Variants in WASF1 observed in about 807,000 individuals in gnomAD.
The protein encoded by WASF1 is actin-binding protein WASF1.
Under a neutral mutation model 50.5 loss-of-function variants are expected in WASF1, and 7 were observed. The observed-to-expected ratio is 0.14, with a 90% confidence interval of 0.08 to 0.26. The LOEUF is 0.26. WASF1 is among the 10% of genes least tolerant of loss of function. The pLI, the probability that WASF1 is intolerant of heterozygous loss-of-function variation, is 1.00. For synonymous variants in WASF1, 205 were observed against 244.0 expected (o/e 0.84, Z 1.49); for missense variants, 470 against 694.7 (o/e 0.68, Z 3.64).
chr6:110,166,429 T>G (rs958735168), intron 2 of WASF1, among the ~76,000 whole-genome samples: 22 of 151,860 alleles, frequency 1.4e-4, no homozygotes, highest in African/African-American at 5.1e-4. Flanking sequence ...AACAGTTAGC[T>G]TACTCATTTT....
intron 3 of WASF1, among the ~76,000 whole-genome samples, chr6:110,151,905 T>C (rs1402650151): frequency 2.0e-5 from 3 of 152,156 alleles, no homozygotes; most frequent in Non-Finnish European, 2.9e-5. Flanking sequence ...GTCACAACCA[T>C]CCCATTATAT....
chr6:110,113,432 T>C lies in WASF1; in HGVS notation c.162A>G (p.Glu54=). ...LSKYAEDIFG[E]LFNEAHSFSF... The stretch of plus-strand genomic sequence containing the variant: ...AAAAACTATGTGCTTCATTGAATAA[T>C]TCTCCAAATATATCTTCAGCATATT... The change falls in exon 5 of 11, where the codon GAA becomes GAG. Residue 54 remains glutamate (E), a synonymous_variant. Transcript: ENST00000392589. 1 of 1,601,832 alleles carries C rather than the reference T, an allele frequency of 6.2e-7. No individual in the cohort carries two copies. The highest frequency in any genetic ancestry group is 1.1e-5 in the South Asian group (1 of 88,554).
At chr6:110,100,930 C>T (rs1773055126) in intron 10 of WASF1, among the ~76,000 whole-genome samples, 1 of 152,126 alleles carries the variant, frequency 6.6e-6, no homozygotes, top group Admixed American at 6.5e-5. Flanking sequence ...GTCTACTATA[C>T]CTCCCTGCTC....
intron 2 of WASF1, among the ~76,000 whole-genome samples, chr6:110,163,904 AC>A (rs1776364936): frequency 2.0e-5 from 3 of 151,600 alleles, no homozygotes; most frequent in African/African-American, 7.3e-5. Flanking sequence ...CCAGAAACAG[AC>A]CCGTGCAAAT....
chr6:110,130,365 C>T (rs921950757), intron 3 of WASF1, among the ~76,000 whole-genome samples: 1 of 152,152 alleles, frequency 6.6e-6, no homozygotes, highest in African/African-American at 2.4e-5. Context: ...GATAGGTAAC[C>T]TTTATTCTTT....
intron 4 of WASF1, among the ~76,000 whole-genome samples, chr6:110,125,395 G>A (rs1036900521): frequency 2.0e-5 from 3 of 152,166 alleles, no homozygotes; most frequent in East Asian, 1.9e-4. Flanking sequence ...CCTTTTGGTT[G>A]GGTTCAGTGA....
At chr6:110,146,485 T>A (rs1485818228) in intron 3 of WASF1, among the ~76,000 whole-genome samples, 1 of 151,810 alleles carries the variant, frequency 6.6e-6, no homozygotes, top group Non-Finnish European at 1.5e-5. Context: ...TATAAAAATT[T>A]AAAATAAGAA....
At chr6:110,107,219 A>G in intron 6 of WASF1, 25 bp from the exon 7 acceptor site, 1 of 1,447,770 alleles carries the variant, frequency 6.9e-7, no homozygotes, top group African/African-American at 1.4e-5. Context: ...ATCAATTAAA[A>G]CACACATTAG....
rs867968518 is a variant in WASF1, at chr6:110,179,637, G to C, written c.-470C>G. 1 of 152,354 alleles carries C rather than the reference G, an allele frequency of 6.6e-6. No homozygotes were observed. Among genetic ancestry groups the C allele is most frequent in the African/African-American group, 2.4e-5 (1 of 41,426 alleles). The allele number at this position is 152,354 out of a possible 1,614,324, so 9.4% of individuals were successfully genotyped here. On this transcript the variant is annotated 5_prime_UTR_variant, in exon 1 of 11. Transcript: ENST00000392589. ...GCCAACCCGCCGCCGGACCCACCGT[G>C]TGCTCGACGCGCGAGTGAACAACAC...
At chr6:110,117,285 C>T (rs925411075) in intron 4 of WASF1, among the ~76,000 whole-genome samples, 7 of 152,030 alleles carry the variant, frequency 4.6e-5, no homozygotes, top group Admixed American at 4.6e-4. Flanking sequence ...AGATAAATGG[C>T]TAACTAGAAT....
At chr6:110,170,789 G>A (rs1437900734) in intron 2 of WASF1, among the ~76,000 whole-genome samples, 1 of 152,090 alleles carries the variant, frequency 6.6e-6, no homozygotes, top group Non-Finnish European at 1.5e-5. Flanking sequence ...AAACAAATCT[G>A]AAGTAGCTGT....
At chr6:110,134,241 G>A (rs903077194) in intron 3 of WASF1, among the ~76,000 whole-genome samples, 7 of 152,020 alleles carry the variant, frequency 4.6e-5, no homozygotes, top group Non-Finnish European at 8.8e-5. Flanking sequence ...TTTATAAGGT[G>A]AGAGATGAGG....
chr6:110,130,793 G>A (rs150604404), intron 3 of WASF1, among the ~76,000 whole-genome samples: 126 of 152,336 alleles, frequency 8.3e-4, no homozygotes, highest in African/African-American at 2.9e-3. Context: ...CTGTTCCAGA[G>A]ACTGTACCAA....
At chr6:110,161,836 T>C (rs1174979384) in intron 2 of WASF1, among the ~76,000 whole-genome samples, 1 of 151,540 alleles carries the variant, frequency 6.6e-6, no homozygotes, top group Non-Finnish European at 1.5e-5. Context: ...ACCTGACCTC[T>C]ATGAAAGGAC....
At chr6:110,122,060 G>T (rs1489984098) in intron 4 of WASF1, among the ~76,000 whole-genome samples, 1 of 152,008 alleles carries the variant, frequency 6.6e-6, no homozygotes, top group South Asian at 2.1e-4. Flanking sequence ...GGGAGGGATA[G>T]CATTAGGAAA....
At chr6:110,162,281 CT>C (rs1331099435) in intron 2 of WASF1, among the ~76,000 whole-genome samples, 1 of 151,228 alleles carries the variant, frequency 6.6e-6, no homozygotes, top group Non-Finnish European at 1.5e-5. Flanking sequence ...CACAACTTAA[CT>C]TTTTCATTAT....
chr6:110,140,910 T>A (rs1266106199), intron 3 of WASF1, among the ~76,000 whole-genome samples: 1 of 152,150 alleles, frequency 6.6e-6, no homozygotes, highest in Non-Finnish European at 1.5e-5. Context: ...AGGATGTCAA[T>A]GACCAATGAG....
intron 3 of WASF1, among the ~76,000 whole-genome samples, chr6:110,155,532 C>T (rs1776022523): frequency 9.2e-6 from 1 of 108,388 alleles, no homozygotes; most frequent in Admixed American, 9.9e-5. Context: ...TTCTAAAGTG[C>T]CTTCTTTTTT....
chr6:110,100,746 C>A lies in WASF1; in HGVS notation c.1523-67G>T, dbSNP rs963901626. ...TAGATACTAGATATTATTAATATTT[C>A]TGGAATAAAATCAAATACACATGAG... On this transcript the variant is annotated intron_variant, in intron 10 of 10. Transcript: ENST00000392589. 38 of 1,371,518 alleles carry A rather than the reference C, an allele frequency of 2.8e-5. No individual in the cohort carries two copies. The East Asian group carries it at 7.5e-4, about 27-fold the overall frequency. 85.0% of individuals were successfully genotyped at this position (1,371,518 alleles called of 1,614,324 possible).
Sources: gnomAD v4.1 joint callset for allele counts (sites outside exome capture counted in the v4.1 genomes callset) on GRCh38, gnomAD v4.1.1 for gene constraint, MANE v1.5 for transcripts, NCBI Gene and HGNC (gene_info 2026-07-23, HGNC 2026-07-21) for gene names.